MAN1B1: variants seen among roughly 807,000 people sequenced by gnomAD.
MAN1B1 encodes endoplasmic reticulum mannosyl-oligosaccharide 1,2-alpha-mannosidase.
MAN1B1 carries 66 observed loss-of-function variants against 75.5 expected under a neutral mutation model. That is an observed-to-expected ratio of 0.87 (90% CI 0.72 to 1.07). The LOEUF (loss-of-function observed/expected upper bound fraction) is 1.07. Among genes scored for constraint, MAN1B1 ranks in the 50% least tolerant of loss-of-function variants. MAN1B1 has a pLI of 0.00. For synonymous variants in MAN1B1, 453 were observed against 382.8 expected (o/e 1.18, Z -2.14); for missense variants, 973 against 912.5 (o/e 1.07, Z -0.85).
intron 3 of MAN1B1, among the ~76,000 whole-genome samples, chr9:137,091,678 C>A (rs1404537342): frequency 6.6e-6 from 1 of 152,016 alleles, no homozygotes; most frequent in African/African-American, 2.4e-5. Flanking sequence ...AGGTGCCCGC[C>A]ACCACGCCCG....
chr9:137,101,132 C>T lies in MAN1B1; in HGVS notation c.1044C>T (p.Asp348=), dbSNP rs762781783. The change falls in exon 7 of 13, where the codon GAC becomes GAT. Residue 348 remains aspartate, a synonymous_variant. Coordinates refer to ENST00000371589, the MANE Select transcript of MAN1B1 (RefSeq NM_016219.5). ...GLLSAYHLSG[D]SLFLRKAEDF... The stretch of plus-strand genomic sequence containing the variant: ...TGAGTGCCTACCACCTGTCTGGGGA[C>T]AGCCTCTTCCTGAGGAAAGCTGTAA... The T allele has an allele frequency of 1.9e-6, 3 of 1,614,058 alleles. No homozygotes were observed. The highest frequency in any genetic ancestry group is 1.7e-5 in the Admixed American group (1 of 60,022).
At chr9:137,107,794 C>T in intron 12 of MAN1B1, 132 bp downstream of exon 12, 2 of 1,358,774 alleles carry the variant, frequency 1.5e-6, no homozygotes, top group South Asian at 1.2e-5. Flanking sequence ...CTTGCCGCAG[C>T]CTCGGGGTGG....
At chr9:137,088,716 C>T (rs1261117842) in intron 2 of MAN1B1, among the ~76,000 whole-genome samples, 153 bp from the exon 3 acceptor site, 1 of 152,210 alleles carries the variant, frequency 6.6e-6, no homozygotes, top group Non-Finnish European at 1.5e-5. Context: ...AGATTTCATT[C>T]CCTTGGGACA....
chr9:137,099,124 C>G (rs550218892), intron 5 of MAN1B1, among the ~76,000 whole-genome samples: 23 of 152,292 alleles, frequency 1.5e-4, no homozygotes, highest in Admixed American at 1.4e-3. Context: ...GCCACCGTGC[C>G]CAGCCAAAAA....
rs369177023 is a variant in MAN1B1, at chr9:137,097,029, G to A, written c.620+638G>A. On this transcript the variant is annotated intron_variant, in intron 4 of 12. Coordinates refer to ENST00000371589, the MANE Select transcript of MAN1B1 (RefSeq NM_016219.5). ...CAAGCGCTGTCCGCCGTGAGAGATG[G>A]GCTCCGAAGAAACGGGCCCAGAGGC... 5.9e-5 allele frequency among the ~76,000 whole-genome samples: 9 copies of A among 152,338 alleles called. No homozygotes were observed. The South Asian group carries it at 1.9e-3, about 32-fold the overall frequency.
chr9:137,103,279 G>A (rs533305209), intron 8 of MAN1B1: 12 of 438,322 alleles, frequency 2.7e-5, no homozygotes, highest in Non-Finnish European at 4.5e-6. Flanking sequence ...GCTGTTGCAG[G>A]CGTGCAGGTC....
rs145062755 is a variant in MAN1B1 at position 137,100,162 on chromosome 9, C to G, written c.916+281C>G. Among the ~76,000 whole-genome samples, 371 of 152,322 alleles carry G rather than the reference C, an allele frequency of 2.4e-3. 4 individuals carry two copies. The highest frequency in any genetic ancestry group is 9.1e-3 in the East Asian group (47 of 5,188). ...ACATTCCCAGGCTGTGCTTCTCTTG[C>G]AGCTGGGGGTGGTGGGATGAGTGAC... is the stretch of plus-strand genomic sequence containing the variant. On this transcript the variant is annotated intron_variant, in intron 6 of 12. Coordinates refer to ENST00000371589, the MANE Select transcript of MAN1B1 (RefSeq NM_016219.5).
At chr9:137,105,692 G>GC in intron 8 of MAN1B1, 1 of 345,782 alleles carries the variant, frequency 2.9e-6, no homozygotes, top group Non-Finnish European at 5.6e-6. Context: ...CTCACCAGGA[G>GC]GGCGTGGAGC....
At chr9:137,101,188 G>A (rs200286118) in intron 7 of MAN1B1, 35 bp downstream of exon 7, 1 of 1,612,350 alleles carries the variant, frequency 6.2e-7, no homozygotes, top group African/African-American at 1.3e-5. Context: ...GGGAGATGGT[G>A]GACTCGCATT....
intron 3 of MAN1B1, among the ~76,000 whole-genome samples, chr9:137,090,171 G>A (rs73668390): frequency 0.072 from 11,021 of 152,122 alleles, 1,292 homozygotes; most frequent in African/African-American, 0.25. Flanking sequence ...CCAAATCCCC[G>A]ACACCGTTGA....
Position 137,107,446 on chromosome 9 carries a change from A to G in MAN1B1, c.1763A>G (p.Lys588Arg), listed in dbSNP as rs1219550188. Residue 588 changes from lysine to arginine, a missense_variant and splice_region_variant, in exon 11 of 13, where the codon AAG becomes AGG. Coordinates refer to ENST00000371589, the MANE Select transcript of MAN1B1 (RefSeq NM_016219.5). Reference protein sequence around the residue: ...PQPGRRDVEVKPADRHNLLRP... With the variant: ...PQPGRRDVEVRPADRHNLLRP... ...CCGGGCCGTCGGGACGTGGAGGTCA[A>G]GGTGGGCCTGGGCCTGGGTCAGGGT... 1 of 1,613,270 alleles carries G rather than the reference A, an allele frequency of 6.2e-7. No individual in the cohort carries two copies. The highest frequency in any genetic ancestry group is 1.3e-5 in the African/African-American group (1 of 75,026).
chr9:137,108,561 C>T lies in MAN1B1; in HGVS notation c.2070C>T (p.Ala690=), dbSNP rs928282022. 8 of 1,613,858 alleles carry T rather than the reference C, an allele frequency of 5.0e-6. No homozygotes were observed. Among genetic ancestry groups the T allele is most frequent in the Non-Finnish European group, 5.9e-6 (7 of 1,180,002 alleles). The change falls in exon 13 of 13, where the codon GCC becomes GCT. Residue 690 remains alanine (A), a synonymous_variant. Transcript: ENST00000371589. ...ATGCCTACGTGTTCAACACCGAAGC[C>T]CACCCTCTGCCTATCTGGACCCCTG... ...SLDAYVFNTE[A]HPLPIWTPA is the part of the protein sequence containing the mutation.
chr9:137,107,279 G>A lies in MAN1B1; in HGVS notation c.1596G>A (p.Thr532=), dbSNP rs372240183. Residue 532 remains threonine (T), a synonymous_variant, in exon 11 of 13, where the codon ACG becomes ACA. Coordinates refer to ENST00000371589, the MANE Select transcript of MAN1B1 (RefSeq NM_016219.5). The stretch of plus-strand genomic sequence containing the variant: ...ACCTGGTGTGCTTCCTGCCAGGGAC[G>A]CTGGCTCTGGGCGTCTACCACGGCC... ...MDHLVCFLPG[T]LALGVYHGLP... is the part of the protein sequence containing the mutation. The A allele has an allele frequency of 3.2e-5, 51 of 1,612,904 alleles. No individual in the cohort carries two copies. Among genetic ancestry groups the A allele is most frequent in the African/African-American group, 2.1e-4 (16 of 74,940 alleles).
intron 3 of MAN1B1, among the ~76,000 whole-genome samples, chr9:137,093,059 T>G (rs773221281): frequency 6.6e-6 from 1 of 152,214 alleles, no homozygotes; most frequent in Non-Finnish European, 1.5e-5. Context: ...AACTTTGCTA[T>G]ATAGTAGCAG....
chr9:137,104,064 G>A (rs1013946682), intron 8 of MAN1B1: 19 of 437,758 alleles, frequency 4.3e-5, no homozygotes, highest in Non-Finnish European at 7.8e-5. Flanking sequence ...CTGTTGTGCA[G>A]CTATCACTTC....
At chr9:137,100,952 A>G in intron 6 of MAN1B1, 53 bp from the exon 7 acceptor site, 1 of 1,606,924 alleles carries the variant, frequency 6.2e-7, no homozygotes, top group Non-Finnish European at 8.5e-7. Context: ...GATAATAGGA[A>G]AACGTTGGAG....
chr9:137,091,367 T>C (rs867555424), intron 3 of MAN1B1, among the ~76,000 whole-genome samples: 2 of 152,114 alleles, frequency 1.3e-5, no homozygotes, highest in Admixed American at 6.6e-5. Flanking sequence ...AGCATTGACT[T>C]GGAGACATCC....
chr9:137,092,740 G>T (rs1259213644), intron 3 of MAN1B1, among the ~76,000 whole-genome samples: 1 of 152,186 alleles, frequency 6.6e-6, no homozygotes, highest in Non-Finnish European at 1.5e-5. Flanking sequence ...TGCCATGGCA[G>T]CACTGGGCAT....
chr9:137,096,275 G>A lies in MAN1B1; in HGVS notation c.504G>A (p.Leu168=). Residue 168 remains leucine (L), a synonymous_variant, in exon 4 of 13, where the codon CTG becomes CTA. Coordinates refer to ENST00000371589, the MANE Select transcript of MAN1B1 (RefSeq NM_016219.5). ...QRHIQRGPPH[L]QIRPPSQDLK... is the part of the protein sequence containing the mutation. ...ACATCCAGCGGGGACCACCTCACCT[G>A]CAGATTAGACCCCCAAGCCAAGACC... 4.3e-6 allele frequency: 7 copies of A among 1,614,152 alleles called. No homozygotes were observed. The highest frequency in any genetic ancestry group is 5.9e-6 in the Non-Finnish European group (7 of 1,180,042).
Sources: gnomAD v4.1 joint callset for allele counts (sites outside exome capture counted in the v4.1 genomes callset) on GRCh38, gnomAD v4.1.1 for gene constraint, MANE v1.5 for transcripts, NCBI Gene and HGNC (gene_info 2026-07-23, HGNC 2026-07-21) for gene names.